Variants in SLC13A3 observed in about 807,000 individuals in gnomAD.
The protein encoded by SLC13A3 is Na(+)/dicarboxylate cotransporter 3.
A neutral mutation model predicts 59.0 loss-of-function variants in SLC13A3; 40 were observed. The observed-to-expected ratio is 0.68, with a 90% confidence interval of 0.53 to 0.88. The LOEUF is 0.88. Ranked by LOEUF, SLC13A3 falls within the 40% of genes least tolerant of loss-of-function variation. The pLI, the probability that SLC13A3 is intolerant of heterozygous loss-of-function variation, is 0.00. For missense variants in SLC13A3, 699 were observed against 783.2 expected (o/e 0.89, Z 1.28); for synonymous variants, 317 against 330.3 (o/e 0.96, Z 0.44).
At chr20:46,628,582 G>T (rs2062702757) in intron 1 of SLC13A3, among the ~76,000 whole-genome samples, 1 of 152,300 alleles carries the variant, frequency 6.6e-6, no homozygotes, top group East Asian at 1.9e-4. Flanking sequence ...TATGGATGAG[G>T]TTGGGAGGAT....
In SLC13A3 at chr20:46,681,239, T is replaced by C. The variant is rs75701509; in HGVS notation, c.-31+3157A>G. ...TGAAAACATTAAGACTGGAAGGAAC[T>C]AGACATCCTCACGTCCGTCTCCCTC... On this transcript the variant is annotated intron_variant, in intron 1 of 6. Coordinates refer to the SLC13A3 transcript ENST00000372121. Among the ~76,000 whole-genome samples the C allele has an allele frequency of 1.4e-3, 215 of 152,310 alleles. 1 individual carries two copies. Among genetic ancestry groups the C allele is most frequent in the East Asian group, 0.013 (66 of 5,182 alleles).
At chr20:46,570,784 A>T (rs2062022558) in intron 10 of SLC13A3, among the ~76,000 whole-genome samples, 1 of 152,220 alleles carries the variant, frequency 6.6e-6, no homozygotes, top group South Asian at 2.1e-4. Flanking sequence ...AGCATAAAAA[A>T]GCTCAGTGAT....
intron 1 of SLC13A3, among the ~76,000 whole-genome samples, chr20:46,628,503 G>A (rs1370172440): frequency 1.3e-5 from 2 of 152,176 alleles, no homozygotes; most frequent in African/African-American, 2.4e-5. Context: ...GAAGACAGGT[G>A]CCACAGGGAA....
At chr20:46,672,868 GC>G (rs1250733203), upstream of SLC13A3, among the ~76,000 whole-genome samples, 1 of 152,050 alleles carries the variant, frequency 6.6e-6, no homozygotes, top group African/African-American at 2.4e-5. Context: ...GCTGTCTTAG[GC>G]CCCCCAGATG....
intron 1 of SLC13A3, among the ~76,000 whole-genome samples, chr20:46,617,723 C>T (rs1456343305): frequency 6.6e-6 from 1 of 152,198 alleles, no homozygotes; most frequent in African/African-American, 2.4e-5. Flanking sequence ...CAGCACACCA[C>T]TGTGGGCCTC....
At chr20:46,670,834 A>C (rs2063087161), upstream of SLC13A3, among the ~76,000 whole-genome samples, 1 of 152,170 alleles carries the variant, frequency 6.6e-6, no homozygotes, top group Non-Finnish European at 1.5e-5. Flanking sequence ...AACCTTGAAA[A>C]TGAAAGGTAC....
chr20:46,652,666 A>G (rs1204550102), upstream of SLC13A3, among the ~76,000 whole-genome samples: 1 of 149,258 alleles, frequency 6.7e-6, no homozygotes, highest in Non-Finnish European at 1.5e-5. Flanking sequence ...AAGTTCTGGG[A>G]TTACAGGTGT....
intron 10 of SLC13A3, among the ~76,000 whole-genome samples, chr20:46,572,211 C>T (rs906289006): frequency 6.6e-6 from 1 of 152,162 alleles, no homozygotes; most frequent in Non-Finnish European, 1.5e-5. Context: ...GACCTCCGAT[C>T]CTCAGGAGGC....
At chr20:46,672,188 C>T (rs551842994), upstream of SLC13A3, among the ~76,000 whole-genome samples, 1 of 152,366 alleles carries the variant, frequency 6.6e-6, no homozygotes, top group East Asian at 1.9e-4. Flanking sequence ...TGCCTCTCTA[C>T]TGCCTGGCAC....
rs188336021 is a variant in SLC13A3 at position 46,558,362 on chromosome 20, C to T, written c.*1660G>A. On this transcript the variant is annotated 3_prime_UTR_variant, in exon 13 of 13. Coordinates refer to ENST00000279027, the MANE Select transcript of SLC13A3 (RefSeq NM_022829.6). ...GAGGTCAACTCTGTGGAATCCCCAGCCCAGGAATTTGGGGCTTTGAAGCTC... is the reference window on the plus strand; with the variant it reads ...GAGGTCAACTCTGTGGAATCCCCAGTCCAGGAATTTGGGGCTTTGAAGCTC... 2.0e-5 allele frequency: 3 copies of T among 152,308 alleles called. No individual in the cohort carries two copies. In the East Asian group the frequency reaches 5.8e-4, roughly 29 times the overall value. The allele number at this position is 152,308 out of a possible 1,614,324, so 9.4% of individuals were successfully genotyped here. A position where few individuals can be genotyped will look rare whatever the true frequency, so the allele number is the denominator to read the frequency against.
chr20:46,622,290 A>G (rs1362609898), intron 1 of SLC13A3, among the ~76,000 whole-genome samples: 1 of 152,244 alleles, frequency 6.6e-6, no homozygotes, highest in Non-Finnish European at 1.5e-5. Context: ...TCTAGGGATC[A>G]AGCAGGTGGA....
At chr20:46,605,094 G>A (rs1264796364) in intron 3 of SLC13A3, among the ~76,000 whole-genome samples, 1 of 152,204 alleles carries the variant, frequency 6.6e-6, no homozygotes, top group Non-Finnish European at 1.5e-5. Flanking sequence ...CCTGATAAGA[G>A]ATTGTATGTG....
intron 6 of SLC13A3, among the ~76,000 whole-genome samples, chr20:46,590,952 G>A (rs368437870): frequency 2.0e-5 from 3 of 151,642 alleles, no homozygotes; most frequent in East Asian, 3.9e-4. Context: ...GATCACTTGA[G>A]GTTTGAGACC....
At chr20:46,639,182 G>A (rs893634466) in intron 1 of SLC13A3, among the ~76,000 whole-genome samples, 17 of 150,298 alleles carry the variant, frequency 1.1e-4, no homozygotes, top group Non-Finnish European at 8.9e-5. Flanking sequence ...GGTGGCTCAC[G>A]CCTGTAATCC....
chr20:46,585,266 G>A (rs373147674), intron 8 of SLC13A3: 63 of 967,224 alleles, frequency 6.5e-5, no homozygotes, highest in Middle Eastern at 5.3e-4. Flanking sequence ...ATATGTGTGC[G>A]TATCTGGAAT....
intron 1 of SLC13A3, among the ~76,000 whole-genome samples, chr20:46,659,742 CAAAG>C (rs1476386311): frequency 2.5e-4 from 32 of 125,952 alleles, no homozygotes; most frequent in Admixed American, 6.6e-4. Context: ...AAAGAAAAAA[CAAAG>C]AAAGAAAGCC....
At chr20:46,679,009 C>T (rs547843412) in intron 1 of SLC13A3, among the ~76,000 whole-genome samples, 1 of 152,298 alleles carries the variant, frequency 6.6e-6, no homozygotes, top group South Asian at 2.1e-4. Flanking sequence ...CCTTTGCCTT[C>T]CACCATGATC....
chr20:46,579,431 CTT>C (rs1219086876), intron 9 of SLC13A3, among the ~76,000 whole-genome samples: 1 of 152,158 alleles, frequency 6.6e-6, no homozygotes, highest in Admixed American at 6.5e-5. Flanking sequence ...GGCCCTGACT[CTT>C]TTTAATGAGC....
In SLC13A3 at chr20:46,588,059, C is replaced by A; in HGVS notation, c.1121G>T (p.Gly374Val). The change falls in exon 8 of 13, where the codon GGG becomes GTG. Residue 374 changes from glycine (G) to valine (V), a missense_variant and splice_region_variant. Gly to Val is a moderately radical substitution (Grantham distance 109, BLOSUM62 -3). Transcript: ENST00000279027. The part of the protein sequence containing the change: ...IPGWASLFNP[G>V]FLSDAVTGVA... ...TCCCTGTGGGTCCCCAGAGTCTCAC[C>A]CAGGATTGAAGAGGCTGGCCCAGCC... 6.3e-7 allele frequency: 1 copy of A among 1,592,636 alleles called. No individual in the cohort carries two copies. Among genetic ancestry groups the A allele is most frequent in the Non-Finnish European group, 8.6e-7 (1 of 1,164,258 alleles).
Sources: gnomAD v4.1 joint callset for allele counts (sites outside exome capture counted in the v4.1 genomes callset) on GRCh38, gnomAD v4.1.1 for gene constraint, MANE v1.5 for transcripts, NCBI Gene and HGNC (gene_info 2026-07-23, HGNC 2026-07-21) for gene names.